Variants in ABCC6 observed in about 807,000 individuals in gnomAD.
ABCC6 encodes ATP binding cassette subfamily C member 6.
A neutral mutation model predicts 169.5 loss-of-function variants in ABCC6; 126 were observed. That is an observed-to-expected ratio of 0.74 (90% CI 0.64 to 0.86). ABCC6 has a LOEUF of 0.86. Among genes scored for constraint, ABCC6 ranks in the 40% least tolerant of loss-of-function variants. ABCC6 has a pLI of 0.00. For missense variants in ABCC6, 1,733 were observed against 1,927.2 expected, an observed-to-expected ratio of 0.90 and a Z score of 1.89; for synonymous variants, 752 against 814.7, an observed-to-expected ratio of 0.92 and a Z score of 1.31.
chr16:16,154,584 T>A (rs758951977), intron 29 of ABCC6, 44 bp downstream of exon 29: 1 of 1,610,372 alleles, frequency 6.2e-7, no homozygotes, highest in Non-Finnish European at 8.5e-7. Context: ...GGCCATCCCC[T>A]CCTCTCCCAC....
intron 22 of ABCC6, among the ~76,000 whole-genome samples, chr16:16,166,768 G>A (rs148402179): frequency 1.6e-3 from 239 of 152,248 alleles, no homozygotes; most frequent in Non-Finnish European, 1.9e-3. Flanking sequence ...GCAGGCACCT[G>A]TAGTCCTAGC....
intron 26 of ABCC6, 125 bp downstream of exon 26, chr16:16,159,356 TG>T (rs1233323261): frequency 3.3e-6 from 3 of 896,464 alleles, no homozygotes; most frequent in East Asian, 2.6e-5. Flanking sequence ...CCTATAGTGG[TG>T]GGGGTTGAGT....
At chr16:16,197,037 G>A (rs1289187347) in intron 10 of ABCC6, among the ~76,000 whole-genome samples, 2 of 152,138 alleles carry the variant, frequency 1.3e-5, no homozygotes, top group East Asian at 1.9e-4. Context: ...ATACCACAAC[G>A]TTAAAGGAAT....
intron 10 of ABCC6, among the ~76,000 whole-genome samples, chr16:16,193,588 C>T (rs929710568): frequency 2.0e-5 from 3 of 152,106 alleles, no homozygotes; most frequent in Non-Finnish European, 4.4e-5. Flanking sequence ...GTGGTGGGCA[C>T]CTGTGATCCC....
intron 4 of ABCC6, among the ~76,000 whole-genome samples, chr16:16,219,059 CAAAAAAAAAAAAAAA>C (rs545447445): frequency 3.9e-4 from 4 of 10,376 alleles, no homozygotes; most frequent in Non-Finnish European, 5.3e-4. Flanking sequence ...GCAAGCCTCT[CAAAAAAAAAAAAAAA>C]AAAAAAAAAA....
intron 24 of ABCC6, 122 bp downstream of exon 24, chr16:16,162,871 T>A: frequency 7.8e-7 from 1 of 1,281,156 alleles, no homozygotes; most frequent in South Asian, 1.2e-5. Context: ...GCCTGTGGGA[T>A]CTAGCCTCAA....
chr16:16,190,068 G>T, intron 12 of ABCC6, 96 bp downstream of exon 12: 1 of 1,314,458 alleles, frequency 7.6e-7, no homozygotes, highest in Non-Finnish European at 1.1e-6. Context: ...GATGGACGGG[G>T]TGGTAGGATC....
Position 16,198,962 on chromosome 16 carries a change from C to G in ABCC6, c.1177-780G>C, listed in dbSNP as rs557062150. ...TGAGCCCAGATCAAGCCATTGCATT[C>G]CAGTCTGGGCAACAAGAGCAAAATC... On this transcript the variant is annotated intron_variant, in intron 9 of 30. Transcript: ENST00000205557. Among the ~76,000 whole-genome samples the G allele has an allele frequency of 1.5e-3, 225 of 149,366 alleles. 1 individual carries two copies. Among genetic ancestry groups the G allele is most frequent in the African/African-American group, 5.1e-3 (207 of 40,806 alleles).
At chr16:16,177,740 C>T (rs569182626) in intron 18 of ABCC6, 114 bp from the exon 19 acceptor site, 22 of 1,302,694 alleles carry the variant, frequency 1.7e-5, no homozygotes, top group Admixed American at 7.1e-5. Flanking sequence ...GCCAGAAGTT[C>T]GAGACCAGCC....
chr16:16,195,719 T>C (rs970647883), intron 10 of ABCC6, among the ~76,000 whole-genome samples: 2 of 152,194 alleles, frequency 1.3e-5, no homozygotes, highest in African/African-American at 4.8e-5. Context: ...ATGACATTTA[T>C]GTACTGCACA....
intron 6 of ABCC6, among the ~76,000 whole-genome samples, chr16:16,211,246 A>G (rs2048608074): frequency 6.6e-6 from 1 of 151,226 alleles, no homozygotes; most frequent in Non-Finnish European, 1.5e-5. Flanking sequence ...TACTAAAAAT[A>G]CAAAATTAGC....
chr16:16,196,759 T>A (rs1268129362), intron 10 of ABCC6, among the ~76,000 whole-genome samples: 1 of 152,206 alleles, frequency 6.6e-6, no homozygotes, highest in Non-Finnish European at 1.5e-5. Context: ...TGGAGTGCAG[T>A]GGCATTATCT....
intron 21 of ABCC6, among the ~76,000 whole-genome samples, chr16:16,172,040 A>C (rs1341323335): frequency 1.4e-5 from 2 of 144,154 alleles, no homozygotes; most frequent in Non-Finnish European, 3.0e-5. Flanking sequence ...GGTGGGATGC[A>C]TAAATGAGTG....
intron 17 of ABCC6, among the ~76,000 whole-genome samples, chr16:16,179,752 G>A (rs1372565720): frequency 6.6e-6 from 1 of 152,068 alleles, no homozygotes; most frequent in Non-Finnish European, 1.5e-5. Flanking sequence ...TACCACGCCT[G>A]GCTAGTTTCT....
At chr16:16,200,684 G>A (rs558016907) in intron 9 of ABCC6, among the ~76,000 whole-genome samples, 315 of 150,026 alleles carry the variant, frequency 2.1e-3, no homozygotes, top group African/African-American at 7.2e-3. Flanking sequence ...CTGCCCTCTC[G>A]GCCACCTAGG....
At chr16:16,209,827 C>T (rs2152290786) in intron 6 of ABCC6, among the ~76,000 whole-genome samples, 1 of 152,122 alleles carries the variant, frequency 6.6e-6, no homozygotes, top group Admixed American at 6.5e-5. Context: ...ACCTACTGGC[C>T]TCAAGCAATC....
rs765786719 is a variant in ABCC6 at position 16,203,539 on chromosome 16, C to T, written c.869G>A (p.Arg290Gln). Residue 290 changes from arginine (R) to glutamine (Q), a missense_variant, in exon 8 of 31, where the codon CGG becomes CAG. By Grantham distance (43) the Arg-to-Gln change is conservative (BLOSUM62 1). Coordinates refer to ENST00000205557, the MANE Select transcript of ABCC6 (RefSeq NM_001171.6). ...TGGGCGCCACTGGCTCCCTTCTTGC[C>T]GTAGGAAGGGCTCGGTCTCTGGAGC... is the stretch of plus-strand genomic sequence containing the variant. ...MKAPETEPFL[R>Q]QEGSQWRPLL... 32 of 1,614,004 alleles carry T rather than the reference C, an allele frequency of 2.0e-5. No homozygotes were observed. Among genetic ancestry groups the T allele is most frequent in the African/African-American group, 2.7e-5 (2 of 75,048 alleles).
intron 23 of ABCC6, among the ~76,000 whole-genome samples, chr16:16,164,930 G>A (rs1246801401): frequency 6.6e-6 from 1 of 152,222 alleles, no homozygotes; most frequent in Non-Finnish European, 1.5e-5. Flanking sequence ...GGAAATATAA[G>A]CCATTAAATT....
chr16:16,175,577 G>A (rs1172207983), intron 20 of ABCC6, among the ~76,000 whole-genome samples: 1 of 152,178 alleles, frequency 6.6e-6, no homozygotes, highest in Non-Finnish European at 1.5e-5. Context: ...GGCCTGGCAT[G>A]GTGGTTTACA....
Sources: allele counts gnomAD v4.1 joint callset (sites outside exome capture counted in the v4.1 genomes callset), GRCh38; gene constraint gnomAD v4.1.1; transcripts MANE v1.5; gene names NCBI Gene and HGNC (gene_info 2026-07-23, HGNC 2026-07-21).